Variants in KL observed in about 807,000 individuals in gnomAD.
KL encodes the protein alpha-klotho.
In KL, 62 loss-of-function variants were observed where a neutral mutation model predicts 84.2. The observed-to-expected ratio is 0.74, with a 90% CI of 0.60 to 0.91. KL has a LOEUF of 0.91. KL is among the 40% of genes least tolerant of loss of function. KL has a pLI of 0.00. For missense variants in KL, 1,261 were observed against 1,305.7 expected, an observed-to-expected ratio of 0.97 and a Z score of 0.53; for synonymous variants, 528 against 528.0, an observed-to-expected ratio of 1.00 and a Z score of 0.00.
intron 4 of KL, among the ~76,000 whole-genome samples, chr13:33,063,569 G>A (rs940236892): frequency 3.3e-5 from 5 of 151,802 alleles, no homozygotes; most frequent in Non-Finnish European, 5.9e-5. Context: ...TCAAGAAATC[G>A]AGACCATCCT....
At position 33,061,026 on chromosome 13, in the gene KL, C is replaced by T; in HGVS notation, c.1947C>T (p.Arg649=). Residue 649 remains arginine (R), a synonymous_variant, in exon 4 of 5, where the codon CGC becomes CGT. Coordinates refer to ENST00000380099, the MANE Select transcript of KL (RefSeq NM_004795.4). The part of the protein sequence containing the change: ...QPMAPNQGLP[R]LLARQGAWEN... ...TGGCCCCGAACCAAGGACTGCCGCG[C>T]CTCCTGGCCAGGCAGGGCGCCTGGG... is the stretch of plus-strand genomic sequence containing the variant. 6.2e-7 allele frequency: 1 copy of T among 1,612,276 alleles called. No homozygotes were observed. Among genetic ancestry groups the T allele is most frequent in the Non-Finnish European group, 8.5e-7 (1 of 1,178,612 alleles).
chr13:33,022,087 A>T (rs1255409340), intron 1 of KL, among the ~76,000 whole-genome samples: 1 of 152,234 alleles, frequency 6.6e-6, no homozygotes, highest in Non-Finnish European at 1.5e-5. Flanking sequence ...ATAGGAAAAG[A>T]ATTAATCAAA....
chr13:33,061,909 T>A, intron 4 of KL, 129 bp downstream of exon 4: 1 of 936,396 alleles, frequency 1.1e-6, no homozygotes, highest in Non-Finnish European at 1.7e-6. Flanking sequence ...TGTGCCTCAC[T>A]GAAACAGTCC....
At chr13:33,026,049 A>C (rs956477600) in intron 1 of KL, among the ~76,000 whole-genome samples, 1 of 152,252 alleles carries the variant, frequency 6.6e-6, no homozygotes, top group African/African-American at 2.4e-5. Context: ...ATTGGTTATT[A>C]AAATGTTGAT....
At position 33,061,154 on chromosome 13, in the gene KL, C is replaced by T; in HGVS notation, c.2075C>T (p.Thr692Ile). Residue 692 changes from threonine (T) to isoleucine (I), a missense_variant, in exon 4 of 5, where the codon ACA becomes ATA. Coordinates refer to ENST00000380099, the MANE Select transcript of KL (RefSeq NM_004795.4). ...KLWITMNEPY[T>I]RNMTYSAGHN... ...TGGATAACGATGAATGAGCCGTATA[C>T]AAGGAATATGACATACAGTGCTGGC... 1 of 1,614,228 alleles carries T rather than the reference C, an allele frequency of 6.2e-7. No homozygotes were observed. The highest frequency in any genetic ancestry group is 8.5e-7 in the Non-Finnish European group (1 of 1,180,044).
chr13:33,017,464 G>C (rs894976799), intron 1 of KL, among the ~76,000 whole-genome samples: 1 of 152,242 alleles, frequency 6.6e-6, no homozygotes, highest in South Asian at 2.1e-4. Context: ...GCACACGAGT[G>C]AGTGCCCCTT....
chr13:33,023,922 A>C (rs1378711278), intron 1 of KL, among the ~76,000 whole-genome samples: 1 of 152,066 alleles, frequency 6.6e-6, no homozygotes, highest in Non-Finnish European at 1.5e-5. Flanking sequence ...TCCAGGACGA[A>C]CTCCTTACAG....
intron 1 of KL, among the ~76,000 whole-genome samples, chr13:33,047,180 A>G (rs1382519355): frequency 6.6e-6 from 1 of 152,124 alleles, no homozygotes; most frequent in Non-Finnish European, 1.5e-5. Flanking sequence ...GGTGAATTAT[A>G]GTGATGTTCA....
At chr13:33,042,982 A>G in intron 1 of KL, among the ~76,000 whole-genome samples, 1 of 152,138 alleles carries the variant, frequency 6.6e-6, no homozygotes, top group Non-Finnish European at 1.5e-5. Context: ...GTGCCCGGCC[A>G]GCATCTTTGA....
At chr13:33,057,106 T>A (rs1471189167) in intron 3 of KL, among the ~76,000 whole-genome samples, 3 of 152,062 alleles carry the variant, frequency 2.0e-5, no homozygotes, top group Non-Finnish European at 4.4e-5. Context: ...TTACTGGGGT[T>A]GGGGATAGAT....
chr13:33,021,604 C>T (rs573437294), intron 1 of KL, among the ~76,000 whole-genome samples: 28 of 152,188 alleles, frequency 1.8e-4, no homozygotes, highest in African/African-American at 6.0e-4. Context: ...TATTTGGGGC[C>T]GGGCGCAGTG....
chr13:33,053,697 G>A (rs1481275132), intron 1 of KL, 70 bp from the exon 2 acceptor site: 1 of 1,389,494 alleles, frequency 7.2e-7, no homozygotes, highest in African/African-American at 1.4e-5. Flanking sequence ...TCTGATTTGG[G>A]GATTCAAGTA....
At chr13:33,017,916 T>C (rs1005657398) in intron 1 of KL, among the ~76,000 whole-genome samples, 2 of 152,242 alleles carry the variant, frequency 1.3e-5, no homozygotes, top group East Asian at 3.8e-4. Flanking sequence ...GTGATATAGA[T>C]TGTTCTACCA....
chr13:33,034,350 T>A (rs1871083095), intron 1 of KL, among the ~76,000 whole-genome samples: 1 of 152,218 alleles, frequency 6.6e-6, no homozygotes. Flanking sequence ...TTCAATTTGC[T>A]GCTTACCATG....
intron 1 of KL, among the ~76,000 whole-genome samples, chr13:33,038,960 T>G (rs1871239913): frequency 6.6e-6 from 1 of 152,150 alleles, no homozygotes; most frequent in African/African-American, 2.4e-5. Flanking sequence ...TACATAAAAG[T>G]CAGAAAATCA....
intron 1 of KL, among the ~76,000 whole-genome samples, chr13:33,035,709 A>G (rs1157113305): frequency 6.6e-6 from 1 of 152,220 alleles, no homozygotes; most frequent in Non-Finnish European, 1.5e-5. Context: ...TGTCTCCAGT[A>G]ATAATTCTGT....
At chr13:33,040,458 G>T (rs889694771) in intron 1 of KL, among the ~76,000 whole-genome samples, 1 of 152,028 alleles carries the variant, frequency 6.6e-6, no homozygotes, top group Non-Finnish European at 1.5e-5. Context: ...TTTTGAAAAC[G>T]GTCACCTTTA....
chr13:33,053,721 C>T, intron 1 of KL, 46 bp from the exon 2 acceptor site: 2 of 1,581,240 alleles, frequency 1.3e-6, no homozygotes, highest in Non-Finnish European at 1.7e-6. Flanking sequence ...TATTGCATTT[C>T]TCCTCACAAC....
At chr13:33,040,018 C>G (rs1201203101) in intron 1 of KL, among the ~76,000 whole-genome samples, 4 of 152,214 alleles carry the variant, frequency 2.6e-5, no homozygotes, top group African/African-American at 9.7e-5. Context: ...ATTCGTCTAA[C>G]TGGGTGTCAG....
Sources: gnomAD v4.1 joint callset for allele counts (sites outside exome capture counted in the v4.1 genomes callset) on GRCh38, gnomAD v4.1.1 for gene constraint, MANE v1.5 for transcripts, NCBI Gene and HGNC (gene_info 2026-07-23, HGNC 2026-07-21) for gene names.